Variants in DOCK5 observed in about 807,000 individuals in gnomAD.
DOCK5 encodes the protein dedicator of cytokinesis 5.
Under a neutral mutation model 251.8 loss-of-function variants are expected in DOCK5, and 142 were observed. The ratio of observed to expected loss-of-function variants is 0.56; its 90% CI spans 0.49 to 0.65. The LOEUF (loss-of-function observed/expected upper bound fraction) is 0.65. DOCK5 is among the 30% of genes least tolerant of loss of function. The pLI, the probability that DOCK5 is intolerant of heterozygous loss-of-function variation, is 0.00. For missense variants in DOCK5, 2,111 were observed against 2,312.3 expected, an observed-to-expected ratio of 0.91 and a Z score of 1.79; for synonymous variants, 842 against 835.5, an observed-to-expected ratio of 1.01 and a Z score of -0.13.
chr8:25,382,820 G>A (rs761790429), intron 40 of DOCK5, 42 bp downstream of exon 40: 43 of 1,501,618 alleles, frequency 2.9e-5, no homozygotes, highest in Non-Finnish European at 3.9e-5. Context: ...TTAGGAGGAG[G>A]GAAGAGACTC....
intron 2 of DOCK5, among the ~76,000 whole-genome samples, chr8:25,251,873 C>T (rs1267110555): frequency 2.0e-5 from 3 of 151,994 alleles, no homozygotes; most frequent in Non-Finnish European, 2.9e-5. Context: ...CCCATAATCC[C>T]AGCTACTTAG....
intron 38 of DOCK5, 70 bp from the exon 39 acceptor site, chr8:25,380,235 A>G (rs554701017): frequency 4.1e-4 from 581 of 1,409,986 alleles, no homozygotes; most frequent in Non-Finnish European, 5.5e-4. Flanking sequence ...GTGACTCGCC[A>G]GTGGCTTTTG....
chr8:25,393,015 G>A, intron 44 of DOCK5, 133 bp downstream of exon 44: 2 of 702,552 alleles, frequency 2.8e-6, no homozygotes, highest in Non-Finnish European at 4.9e-6. Context: ...TTTCAAAAGA[G>A]AAATAAAAGG....
intron 3 of DOCK5, among the ~76,000 whole-genome samples, chr8:25,273,302 T>TA (rs1563333542): frequency 6.6e-6 from 1 of 152,100 alleles, no homozygotes; most frequent in Non-Finnish European, 1.5e-5. Flanking sequence ...TTTTGATCAT[T>TA]AAAAAAATTA....
chr8:25,363,965 A>T (rs1156866449), intron 29 of DOCK5, among the ~76,000 whole-genome samples: 1 of 152,176 alleles, frequency 6.6e-6, no homozygotes, highest in East Asian at 1.9e-4. Context: ...TTGTTTTCAG[A>T]TTCTATGTTG....
At chr8:25,372,792 T>G in intron 35 of DOCK5, 74 bp downstream of exon 35, 1 of 1,442,176 alleles carries the variant, frequency 6.9e-7, no homozygotes, top group Non-Finnish European at 9.2e-7. Context: ...CAGCTCTAGG[T>G]AGATCCCACA....
At chr8:25,319,492 G>A (rs778160729) in intron 14 of DOCK5, 86 bp from the exon 15 acceptor site, 3 of 837,792 alleles carry the variant, frequency 3.6e-6, no homozygotes, top group Middle Eastern at 2.4e-4. Context: ...CGTGTTTGGG[G>A]GTGAGGGGCT....
intron 45 of DOCK5, among the ~76,000 whole-genome samples, chr8:25,398,443 C>G (rs1471416043): frequency 6.6e-6 from 1 of 152,106 alleles, no homozygotes; most frequent in Non-Finnish European, 1.5e-5. Context: ...TATTAGTTTG[C>G]TAGGGCTGCT....
In DOCK5 at chr8:25,399,912, C is replaced by CT. The variant is rs745668075; in HGVS notation, c.4713dup (p.Thr1572TyrfsTer10). 8 of 1,610,716 alleles carry CT rather than the reference C, an allele frequency of 5.0e-6. No individual in the cohort carries two copies. The highest frequency in any genetic ancestry group is 2.2e-5 in the East Asian group (1 of 44,792). On this transcript the variant is annotated frameshift_variant and splice_region_variant, in exon 46 of 52. Coordinates refer to ENST00000276440, the MANE Select transcript of DOCK5 (RefSeq NM_024940.8). LOFTEE classifies it high-confidence loss of function. ...AAACTTGCATATGCTTTTTTTTAGG[C>CT]TTTTTTTACAGAAAAGTACTTGCAG...
At position 25,215,946 on chromosome 8, in the gene DOCK5, C is replaced by T. The variant is rs913971401; in HGVS notation, c.44-27728C>T. Among the ~76,000 whole-genome samples, 677 of 150,488 alleles carry T rather than the reference C, an allele frequency of 4.5e-3. 4 individuals are homozygous for T. The highest frequency in any genetic ancestry group is 6.9e-3 in the Admixed American group (104 of 15,112). On this transcript the variant is annotated intron_variant, in intron 1 of 51. Coordinates refer to ENST00000276440, the MANE Select transcript of DOCK5 (RefSeq NM_024940.8). ...CTGGAAATAAATACACACACACACA[C>T]ACACACACACACACACACACACACA... is the stretch of plus-strand genomic sequence containing the variant.
At chr8:25,239,321 GTGTGTGTGTGTGTGTGTGTA>G (rs1455336654) in intron 1 of DOCK5, among the ~76,000 whole-genome samples, 44 of 123,542 alleles carry the variant, frequency 3.6e-4, no homozygotes, top group Non-Finnish European at 4.9e-4. Flanking sequence ...GCGTGTATAT[GTGTGTGTGTGTGTGTGTGTA>G]TGTGTGTGTG....
chr8:25,374,534 C>G, intron 36 of DOCK5, 30 bp from the exon 37 acceptor site: 1 of 1,583,666 alleles, frequency 6.3e-7, no homozygotes, highest in Non-Finnish European at 8.6e-7. Flanking sequence ...TCTCGAGTGA[C>G]AAAATGCTTC....
At chr8:25,223,403 T>G (rs1802441912) in intron 1 of DOCK5, among the ~76,000 whole-genome samples, 1 of 152,226 alleles carries the variant, frequency 6.6e-6, no homozygotes, top group South Asian at 2.1e-4. Context: ...CAGCCTTGAC[T>G]GCCCCAGGTT....
chr8:25,376,640 A>G (rs1217896759), intron 37 of DOCK5: 1 of 154,878 alleles, frequency 6.5e-6, no homozygotes, highest in Admixed American at 6.5e-5. Context: ...TGTTAATGAA[A>G]TAGAATTTTC....
intron 4 of DOCK5, among the ~76,000 whole-genome samples, chr8:25,276,409 G>C (rs1193231807): frequency 6.6e-6 from 1 of 152,282 alleles, no homozygotes; most frequent in Admixed American, 6.5e-5. Flanking sequence ...TACTGCCTCT[G>C]TGACAGCTAA....
chr8:25,397,815 A>G (rs1339413538), intron 45 of DOCK5, among the ~76,000 whole-genome samples: 3 of 152,234 alleles, frequency 2.0e-5, no homozygotes, highest in African/African-American at 7.2e-5. Flanking sequence ...AAAATGAACA[A>G]AAAGCTAGGA....
chr8:25,320,527 C>T (rs149519123), intron 15 of DOCK5, among the ~76,000 whole-genome samples: 1 of 152,260 alleles, frequency 6.6e-6, no homozygotes, highest in East Asian at 1.9e-4. Flanking sequence ...TTTGAGTGCC[C>T]TAAGGCTCTG....
At position 25,390,238 on chromosome 8, in the gene DOCK5, A is replaced by T; in HGVS notation, c.4306A>T (p.Ser1436Cys). ...GTGCTTCACTGTAAAGCCAGTGATG[A>T]GCTTGCCGCCCAGCTACAAGGATAA... ...MQCFTVKPVM[S>C]LPPSYKDKPV... The change falls in exon 42 of 52, where the codon AGC (serine) becomes TGC (cysteine). Residue 1436 changes from serine to cysteine, a missense_variant. Physicochemically the swap from Ser to Cys is moderately radical, Grantham distance 112. Transcript: ENST00000276440. The T allele has an allele frequency of 6.3e-7, 1 of 1,595,536 alleles. No individual in the cohort carries two copies.
chr8:25,341,776 A>C lies in DOCK5; in HGVS notation c.2477A>C (p.Asp826Ala), dbSNP rs1346264468. The stretch of plus-strand genomic sequence containing the variant: ...AAGTACCTTCCTAGCATAATTAATG[A>C]TGTCAAACTTGTATTTGATCCTGTT... ...ALKYLPSIINDVKLVFDPVEL... is the reference protein window; with the variant it reads ...ALKYLPSIINAVKLVFDPVEL... The change falls in exon 24 of 52, where the codon GAT becomes GCT. Residue 826 changes from aspartate (D) to alanine (A), a missense_variant. Coordinates refer to ENST00000276440, the MANE Select transcript of DOCK5 (RefSeq NM_024940.8). 8 of 1,577,248 alleles carry C rather than the reference A, an allele frequency of 5.1e-6. No individual in the cohort carries two copies. The highest frequency in any genetic ancestry group is 1.2e-5 in the South Asian group (1 of 86,192).
Sources: allele counts gnomAD v4.1 joint callset (sites outside exome capture counted in the v4.1 genomes callset), GRCh38; gene constraint gnomAD v4.1.1; transcripts MANE v1.5; gene names NCBI Gene and HGNC (gene_info 2026-07-23, HGNC 2026-07-21).